SMARCA1: variants seen among roughly 807,000 people sequenced by gnomAD.
SMARCA1 encodes the protein SWI/SNF-related matrix-associated actin-dependent regulator of chromatin subfamily A member 1.
SMARCA1 carries 17 observed loss-of-function variants against 93.6 expected under a neutral mutation model. That is an observed-to-expected ratio of 0.18 (90% confidence interval 0.12 to 0.27). SMARCA1 has a LOEUF of 0.27. Among genes scored for constraint, SMARCA1 ranks in the 10% least tolerant of loss-of-function variants. SMARCA1 has a pLI of 1.00. For missense variants in SMARCA1, 630 were observed against 819.0 expected (o/e 0.77, Z 2.82); for synonymous variants, 271 against 271.4 (o/e 1.00, Z 0.01).
intron 7 of SMARCA1, among the ~76,000 whole-genome samples, chrX:129,507,696 G>A (rs1046893542): frequency 1.8e-5 from 2 of 112,089 alleles, no homozygotes; most frequent in African/African-American, 3.2e-5. Flanking sequence ...TGGGACTACA[G>A]GCATGCACCA....
In SMARCA1 at chrX:129,516,428, G is replaced by C; in HGVS notation, c.331C>G (p.Pro111Ala). 1.7e-6 allele frequency: 2 copies of C among 1,207,974 alleles called. No individual in the cohort carries two copies. Among genetic ancestry groups the C allele is most frequent in the Non-Finnish European group, 1.1e-6 (1 of 892,472 alleles). ...GATGTTGGAGATTTCTGTGCTGAAG[G>C]CTGAATGAAATGTGCAAAAAGTTCT... Reference protein sequence around the residue: ...QTELFAHFIQPSAQKSPTSPL... With the variant: ...QTELFAHFIQASAQKSPTSPL... Residue 111 changes from proline (P) to alanine (A), a missense_variant, in exon 3 of 25, where the codon CCT (proline) becomes GCT (alanine). Physicochemically the swap from Pro to Ala is conservative, Grantham distance 27. This residue lies in a region of SMARCA1 where 382 missense variants were observed against 537.9 expected (regional missense o/e 0.71). Coordinates refer to ENST00000371121, the MANE Select transcript of SMARCA1 (RefSeq NM_001282874.2).
chrX:129,494,850 T>C (rs1396776384), intron 12 of SMARCA1, among the ~76,000 whole-genome samples: 1 of 112,424 alleles, frequency 8.9e-6, no homozygotes, highest in East Asian at 2.8e-4. Context: ...ATTCAGGTCT[T>C]CTGAAACCAA....
intron 9 of SMARCA1, among the ~76,000 whole-genome samples, chrX:129,503,330 C>A (rs1934638034): frequency 8.9e-6 from 1 of 112,296 alleles, no homozygotes; most frequent in African/African-American, 3.2e-5. Flanking sequence ...TGCCCCAATA[C>A]AGAGATGTCC....
At chrX:129,508,665 T>C (rs3118100) in intron 6 of SMARCA1, among the ~76,000 whole-genome samples, 7,461 of 112,034 alleles carry the variant, frequency 0.067, 287 homozygotes, top group African/African-American at 0.15. Flanking sequence ...AGGTTACAAA[T>C]ATGATTTCAT....
chrX:129,485,105 G>A, intron 17 of SMARCA1, among the ~76,000 whole-genome samples: 1 of 112,148 alleles, frequency 8.9e-6, no homozygotes. Flanking sequence ...TAGAATTACA[G>A]AGCCACCAGC....
chrX:129,477,281 G>A (rs1029936586), intron 19 of SMARCA1, among the ~76,000 whole-genome samples: 4 of 111,984 alleles, frequency 3.6e-5, no homozygotes, highest in East Asian at 2.8e-4. Context: ...TGGGCTGGGC[G>A]TGGCGGCTCA....
intron 11 of SMARCA1, 127 bp from the exon 12 acceptor site, chrX:129,496,998 T>TGC (rs1934356194): frequency 4.3e-6 from 2 of 463,354 alleles, no homozygotes; most frequent in East Asian, 3.8e-5. Flanking sequence ...CACACACACG[T>TGC]GCACACACAC....
intron 1 of SMARCA1, among the ~76,000 whole-genome samples, chrX:129,519,270 A>G (rs1569451559): frequency 8.9e-6 from 1 of 111,886 alleles, no homozygotes; most frequent in East Asian, 2.8e-4. Flanking sequence ...ATAAATACAT[A>G]TATAGAATAA....
chrX:129,446,828 C>G lies in SMARCA1; in HGVS notation c.*334G>C. On this transcript the variant is annotated 3_prime_UTR_variant, in exon 25 of 25. Coordinates refer to ENST00000371121, the MANE Select transcript of SMARCA1 (RefSeq NM_001282874.2). ...TTTAAAGTATGAAACAACAATAATACAACTATAGAATCTAGGTTCTCTTTC... is the reference window on the plus strand; with the variant it reads ...TTTAAAGTATGAAACAACAATAATAGAACTATAGAATCTAGGTTCTCTTTC... 1 of 154,674 alleles carries G rather than the reference C, an allele frequency of 6.5e-6. No homozygotes were observed. The highest frequency in any genetic ancestry group is 1.2e-5 in the Non-Finnish European group (1 of 81,800). The allele number at this position is 154,674 out of a possible 1,213,427, so 12.7% of individuals were successfully genotyped here.
chrX:129,476,715 G>C (rs1309328683), intron 19 of SMARCA1, among the ~76,000 whole-genome samples: 1 of 112,133 alleles, frequency 8.9e-6, no homozygotes, highest in Non-Finnish European at 1.9e-5. Flanking sequence ...GGATAAACTA[G>C]TGCTCTATTT....
chrX:129,489,549 C>CGTTT (rs746561641), intron 15 of SMARCA1, among the ~76,000 whole-genome samples: 170 of 111,976 alleles, frequency 1.5e-3, no homozygotes, highest in African/African-American at 4.4e-3. Context: ...ATTTTTTGTT[C>CGTTT]GTTTGTTTGT....
At chrX:129,466,876 A>T (rs1932926017) in intron 21 of SMARCA1, among the ~76,000 whole-genome samples, 1 of 109,056 alleles carries the variant, frequency 9.2e-6, no homozygotes. Flanking sequence ...TTTTAATTGC[A>T]TACACACTGA....
chrX:129,487,854 G>A (rs2124267771), intron 16 of SMARCA1, among the ~76,000 whole-genome samples: 1 of 112,124 alleles, frequency 8.9e-6, no homozygotes, highest in South Asian at 3.7e-4. Flanking sequence ...AATACTAACT[G>A]GATATTTGGT....
intron 5 of SMARCA1, among the ~76,000 whole-genome samples, chrX:129,514,905 C>T (rs1331821043): frequency 9.0e-6 from 1 of 110,601 alleles, no homozygotes; most frequent in Non-Finnish European, 1.9e-5. Context: ...AAAAAATTAG[C>T]CGGACGTGGT....
chrX:129,450,117 G>A (rs1256437287), intron 23 of SMARCA1, among the ~76,000 whole-genome samples: 2 of 112,167 alleles, frequency 1.8e-5, no homozygotes, highest in Non-Finnish European at 3.8e-5. Context: ...TGAAGATGGG[G>A]ACTTGTGACT....
intron 6 of SMARCA1, among the ~76,000 whole-genome samples, chrX:129,508,557 T>C (rs1468229262): frequency 1.8e-5 from 2 of 112,493 alleles, no homozygotes; most frequent in Non-Finnish European, 3.7e-5. Context: ...AACTCTTGTA[T>C]GTCCCTTCTT....
intron 23 of SMARCA1, among the ~76,000 whole-genome samples, chrX:129,458,187 C>T (rs1932721792): frequency 8.9e-6 from 1 of 112,179 alleles, no homozygotes; most frequent in African/African-American, 3.2e-5. Context: ...GAAAATGTTA[C>T]TTATGAACCC....
intron 1 of SMARCA1, among the ~76,000 whole-genome samples, chrX:129,521,944 C>T (rs760371370): frequency 8.9e-6 from 1 of 112,023 alleles, no homozygotes; most frequent in East Asian, 2.8e-4. Context: ...GAAAGGTGTT[C>T]ATTTTCCTCA....
At position 129,481,193 on chromosome X, in the gene SMARCA1, C is replaced by A; in HGVS notation, c.2218-8G>T. On this transcript the variant is annotated splice_region_variant and splice_polypyrimidine_tract_variant and intron_variant, in intron 17 of 24. Transcript: ENST00000371121. ...CCATTCCACCATGCCAAGCTATACA[C>A]AACAAACAACAACAAGGGGTTTAAT... 2.9e-6 allele frequency: 3 copies of A among 1,052,473 alleles called. No individual in the cohort carries two copies. Among genetic ancestry groups the A allele is most frequent in the Admixed American group, 4.5e-5 (2 of 44,239 alleles). 86.7% of individuals were successfully genotyped at this position (1,052,473 alleles called of 1,213,427 possible).
Sources: allele counts gnomAD v4.1 joint callset (sites outside exome capture counted in the v4.1 genomes callset), GRCh38; gene constraint gnomAD v4.1.1; regional missense constraint gnomAD v4.1.1; transcripts MANE v1.5; gene names NCBI Gene and HGNC (gene_info 2026-07-23, HGNC 2026-07-21).